Variants in TMEM120B observed in about 807,000 individuals in gnomAD.
TMEM120B encodes the protein transmembrane protein 120B.
Under a neutral mutation model 55.5 loss-of-function variants are expected in TMEM120B, and 31 were observed. The ratio of observed to expected loss-of-function variants is 0.56; its 90% CI spans 0.42 to 0.75. TMEM120B has a LOEUF of 0.75. TMEM120B is among the 30% of genes least tolerant of loss of function. TMEM120B has a pLI of 0.00. For synonymous variants in TMEM120B, 203 were observed against 176.3 expected (o/e 1.15, Z -1.20); for missense variants, 399 against 425.5 (o/e 0.94, Z 0.55).
intron 1 of TMEM120B, among the ~76,000 whole-genome samples, chr12:121,715,833 G>A (rs1371605603): frequency 6.6e-6 from 1 of 151,750 alleles, no homozygotes; most frequent in African/African-American, 2.4e-5. Flanking sequence ...GTAAAGTTGG[G>A]GCCATAATTT....
chr12:121,737,270 C>T (rs948442077), intron 1 of TMEM120B, among the ~76,000 whole-genome samples: 1 of 151,940 alleles, frequency 6.6e-6, no homozygotes, highest in African/African-American at 2.4e-5. Context: ...TTTGGGAGGC[C>T]GAGGTGGGCG....
At chr12:121,754,450 G>A (rs921877664) in intron 5 of TMEM120B, among the ~76,000 whole-genome samples, 7 of 152,164 alleles carry the variant, frequency 4.6e-5, no homozygotes, top group Admixed American at 1.3e-4. Context: ...GGCTTAAAAC[G>A]ACAGACACAT....
At chr12:121,744,060 T>C (rs1379128307) in intron 2 of TMEM120B, among the ~76,000 whole-genome samples, 2 of 151,550 alleles carry the variant, frequency 1.3e-5, no homozygotes, top group Non-Finnish European at 2.9e-5. Flanking sequence ...CTCTTTTTTT[T>C]TTTTTTTTTT....
intron 5 of TMEM120B, among the ~76,000 whole-genome samples, chr12:121,752,960 T>C (rs1873374407): frequency 6.6e-6 from 1 of 151,818 alleles, no homozygotes; most frequent in African/African-American, 2.4e-5. Context: ...TAAAATTATT[T>C]AGCTGGGTGC....
chr12:121,773,379 G>A (rs1188743625), intron 8 of TMEM120B, 42 bp from the exon 9 acceptor site: 1 of 1,562,448 alleles, frequency 6.4e-7, no homozygotes, highest in East Asian at 2.3e-5. Flanking sequence ...TGTCTTCCGG[G>A]GACACCAGGC....
intron 6 of TMEM120B, among the ~76,000 whole-genome samples, chr12:121,766,695 C>T (rs147189529): frequency 6.6e-6 from 1 of 152,310 alleles, no homozygotes; most frequent in East Asian, 1.9e-4. Context: ...ATCCCAGCCA[C>T]CCAGACTGAG....
chr12:121,780,353 C>T lies in TMEM120B; in HGVS notation c.*4631C>T, dbSNP rs1478755094. 7 of 163,988 alleles carry T rather than the reference C, an allele frequency of 4.3e-5. No individual in the cohort carries two copies. The highest frequency in any genetic ancestry group is 1.2e-4 in the Admixed American group (2 of 16,498). 10.2% of individuals were successfully genotyped at this position (163,988 alleles called of 1,614,324 possible). On this transcript the variant is annotated 3_prime_UTR_variant, in exon 12 of 12. Coordinates refer to ENST00000449592, the MANE Select transcript of TMEM120B (RefSeq NM_001080825.2). Reference sequence around the variant, plus strand: ...GATTACAGGCGTGAGCCACTATGCCCGGCCGGATTTGCCCTTATTAATGGT... The same window carrying T: ...GATTACAGGCGTGAGCCACTATGCCTGGCCGGATTTGCCCTTATTAATGGT...
chr12:121,755,070 G>A (rs61230721), intron 5 of TMEM120B, among the ~76,000 whole-genome samples: 13,141 of 152,280 alleles, frequency 0.086, 1,020 homozygotes, highest in African/African-American at 0.2. Context: ...TAGCATCACC[G>A]TTGTTTTGGG....
At chr12:121,717,113 A>C (rs1398183427) in intron 1 of TMEM120B, among the ~76,000 whole-genome samples, 1 of 152,112 alleles carries the variant, frequency 6.6e-6, no homozygotes, top group African/African-American at 2.4e-5. Flanking sequence ...CATGCTGGTG[A>C]GTTGAGTGCT....
intron 1 of TMEM120B, among the ~76,000 whole-genome samples, chr12:121,734,211 C>T (rs937678009): frequency 4.6e-5 from 7 of 150,762 alleles, no homozygotes; most frequent in East Asian, 1.9e-4. Flanking sequence ...ACTTGAGTGG[C>T]GAGGGGTAAC....
chr12:121,744,915 C>A (rs1426578134), intron 2 of TMEM120B, among the ~76,000 whole-genome samples: 1 of 152,180 alleles, frequency 6.6e-6, no homozygotes, highest in African/African-American at 2.4e-5. Flanking sequence ...CCAGATGTGG[C>A]TTTGGAAAAA....
Position 121,781,033 on chromosome 12 carries a change from G to T in TMEM120B, c.*5311G>T. 1.2e-6 allele frequency: 2 copies of T among 1,613,446 alleles called. No homozygotes were observed. ...TGTGGAGGGAGGAGGCGGGATCAGG[G>T]GTGCGGCCGGGCCCAGATGTGGGGC... On this transcript the variant is annotated 3_prime_UTR_variant, in exon 12 of 12. Coordinates refer to ENST00000449592, the MANE Select transcript of TMEM120B (RefSeq NM_001080825.2).
chr12:121,775,876 C>T lies in TMEM120B; in HGVS notation c.*154C>T, dbSNP rs573632722. 27 of 767,134 alleles carry T rather than the reference C, an allele frequency of 3.5e-5. No individual in the cohort carries two copies. The highest frequency in any genetic ancestry group is 5.1e-5 in the Non-Finnish European group (23 of 453,796). 47.5% of individuals were successfully genotyped at this position (767,134 alleles called of 1,614,324 possible). A position where few individuals can be genotyped will look rare whatever the true frequency, so the allele number is the denominator to read the frequency against. Reference sequence around the variant, plus strand: ...CAGTGGTCTAGAGGAATGTGAGCCCCGCCTGTCCGCACAGTGTCCGCCCAC... The same window carrying T: ...CAGTGGTCTAGAGGAATGTGAGCCCTGCCTGTCCGCACAGTGTCCGCCCAC... On this transcript the variant is annotated 3_prime_UTR_variant, in exon 12 of 12. Transcript: ENST00000449592. This position sits in a 1 kb window ranked among gnomAD's most constrained non-coding sequence, Gnocchi z 4.3.
chr12:121,741,477 G>T (rs538936148), intron 1 of TMEM120B, among the ~76,000 whole-genome samples: 1 of 152,142 alleles, frequency 6.6e-6, no homozygotes, highest in East Asian at 1.9e-4. Context: ...TTACAGGCAT[G>T]TGCCATCACG....
At chr12:121,714,654 C>T (rs760293209) in intron 1 of TMEM120B, among the ~76,000 whole-genome samples, 26 of 150,936 alleles carry the variant, frequency 1.7e-4, no homozygotes, top group Non-Finnish European at 2.8e-4. Context: ...CTCCGCCTCC[C>T]GGATTCAAGC....
In TMEM120B at chr12:121,775,409, G is replaced by A. The variant is rs369596016; in HGVS notation, c.907-200G>A. On this transcript the variant is annotated intron_variant, in intron 11 of 11. Transcript: ENST00000449592. This position sits in a 1 kb window ranked among gnomAD's most constrained non-coding sequence, Gnocchi z 4.3. ...CAATCTGTGGATCCCAAGGAGGTTCGCCCCATCGAGCCCTTCCCAGGCCCT... is the reference window on the plus strand; with the variant it reads ...CAATCTGTGGATCCCAAGGAGGTTCACCCCATCGAGCCCTTCCCAGGCCCT... 1.5e-5 allele frequency: 15 copies of A among 983,764 alleles called. No homozygotes were observed. The highest frequency in any genetic ancestry group is 2.3e-4 in the East Asian group (2 of 8,802). The allele number at this position is 983,764 out of a possible 1,614,324, so 60.9% of individuals were successfully genotyped here.
At chr12:121,762,341 C>G (rs1008168731) in intron 6 of TMEM120B, among the ~76,000 whole-genome samples, 1 of 151,994 alleles carries the variant, frequency 6.6e-6, no homozygotes, top group African/African-American at 2.4e-5. Context: ...TGCTCTCCGT[C>G]TCTCACTTCT....
At chr12:121,726,110 G>A (rs1357850059) in intron 1 of TMEM120B, among the ~76,000 whole-genome samples, 1 of 151,782 alleles carries the variant, frequency 6.6e-6, no homozygotes, top group East Asian at 1.9e-4. Context: ...TAGGAAGAAG[G>A]GGAGATGGAG....
At chr12:121,722,130 G>A (rs1166923354) in intron 1 of TMEM120B, among the ~76,000 whole-genome samples, 6 of 135,982 alleles carry the variant, frequency 4.4e-5, no homozygotes, top group African/African-American at 1.7e-4. Context: ...ATAGAGTCTC[G>A]CTCTGTTGCC....
Sources: gnomAD v4.1 joint callset for allele counts (sites outside exome capture counted in the v4.1 genomes callset) on GRCh38, gnomAD v4.1.1 for gene constraint, Gnocchi (gnomAD v3.1) non-coding constraint, MANE v1.5 for transcripts, NCBI Gene and HGNC (gene_info 2026-07-23, HGNC 2026-07-21) for gene names.